The following SLC14A2 variants were observed in gnomAD, a reference collection of about 807,000 sequenced individuals.
SLC14A2 encodes solute carrier family 14 member 2.
A neutral mutation model predicts 104.6 loss-of-function variants in SLC14A2; 91 were observed. The ratio of observed to expected loss-of-function variants is 0.87; its 90% CI spans 0.73 to 1.04. The LOEUF (loss-of-function observed/expected upper bound fraction) is 1.04. Ranked by LOEUF, SLC14A2 falls within the 50% of genes least tolerant of loss-of-function variation. The pLI is 0.00. For missense variants in SLC14A2, 1,189 were observed against 1,156.0 expected (o/e 1.03, Z -0.41); for synonymous variants, 476 against 466.4 (o/e 1.02, Z -0.27).
intron 1 of SLC14A2, among the ~76,000 whole-genome samples, chr18:45,425,328 C>T (rs934931322): frequency 6.6e-6 from 1 of 152,176 alleles, no homozygotes; most frequent in Non-Finnish European, 1.5e-5. Flanking sequence ...GCTATAACAA[C>T]ATTTGATGAG....
At chr18:45,629,142 G>A (rs972354712) in intron 4 of SLC14A2, among the ~76,000 whole-genome samples, 1 of 152,216 alleles carries the variant, frequency 6.6e-6, no homozygotes, top group African/African-American at 2.4e-5. Flanking sequence ...AGTAATCAGA[G>A]CTGGAAGTGT....
At chr18:45,352,510 G>T (rs2085513176) in intron 1 of SLC14A2, among the ~76,000 whole-genome samples, 1 of 152,030 alleles carries the variant, frequency 6.6e-6, no homozygotes, top group Admixed American at 6.6e-5. Context: ...CTTTCAAAAT[G>T]ACTTACTGAG....
chr18:45,598,389 G>C (rs2044742805), intron 2 of SLC14A2, among the ~76,000 whole-genome samples: 1 of 152,164 alleles, frequency 6.6e-6, no homozygotes, highest in African/African-American at 2.4e-5. Flanking sequence ...CTGCTCAGGA[G>C]AGTGGCCCCA....
intron 1 of SLC14A2, among the ~76,000 whole-genome samples, chr18:45,226,289 T>A (rs1204282236): frequency 2.0e-5 from 3 of 152,122 alleles, no homozygotes; most frequent in Non-Finnish European, 4.4e-5. Context: ...GAACTAGAAA[T>A]ACCATTTGAC....
At chr18:45,498,238 A>G (rs2043134453) in intron 2 of SLC14A2, among the ~76,000 whole-genome samples, 1 of 152,252 alleles carries the variant, frequency 6.6e-6, no homozygotes. Context: ...TCAACAACAA[A>G]GAAAACAATT....
chr18:45,377,025 A>G (rs769374471), intron 1 of SLC14A2, among the ~76,000 whole-genome samples: 8 of 152,130 alleles, frequency 5.3e-5, no homozygotes, highest in Non-Finnish European at 1.0e-4. Flanking sequence ...TGTGGTTTAC[A>G]TCACTGCCCC....
chr18:45,238,838 T>G (rs1323882002), intron 1 of SLC14A2, among the ~76,000 whole-genome samples: 1 of 152,206 alleles, frequency 6.6e-6, no homozygotes, highest in Non-Finnish European at 1.5e-5. Flanking sequence ...GAGGTGATTT[T>G]GTTTGTTTTT....
At chr18:45,486,281 G>C (rs772919542) in intron 2 of SLC14A2, among the ~76,000 whole-genome samples, 1 of 152,054 alleles carries the variant, frequency 6.6e-6, no homozygotes, top group Non-Finnish European at 1.5e-5. Context: ...TTTCACAACA[G>C]CTGTGTCTTG....
intron 1 of SLC14A2, among the ~76,000 whole-genome samples, chr18:45,390,480 A>G (rs1197754111): frequency 6.6e-6 from 1 of 152,200 alleles, no homozygotes; most frequent in Non-Finnish European, 1.5e-5. Flanking sequence ...GAATTTATTC[A>G]TTTATCATTA....
chr18:45,548,197 G>T (rs2044002995), intron 2 of SLC14A2, among the ~76,000 whole-genome samples: 2 of 152,292 alleles, frequency 1.3e-5, no homozygotes, highest in South Asian at 4.2e-4. Flanking sequence ...AGGAAAGCAG[G>T]CCTGCCCTGT....
At chr18:45,482,712 T>C (rs2087518693) in intron 1 of SLC14A2, 1 of 152,154 alleles carries the variant, frequency 6.6e-6, no homozygotes, top group African/African-American at 2.4e-5. Flanking sequence ...TGTAACCTAA[T>C]CTTGGAAATG....
At chr18:45,522,203 G>A (rs138697229) in intron 2 of SLC14A2, among the ~76,000 whole-genome samples, 6 of 152,316 alleles carry the variant, frequency 3.9e-5, no homozygotes, top group Non-Finnish European at 5.9e-5. Context: ...AATAGAAAGT[G>A]CTGTAGGAAA....
chr18:45,643,896 C>T, intron 9 of SLC14A2, 90 bp from the exon 10 acceptor site: 1 of 1,135,098 alleles, frequency 8.8e-7, no homozygotes, highest in Non-Finnish European at 1.3e-6. Flanking sequence ...TCTCCATCCT[C>T]AACGCCTGTC....
intron 1 of SLC14A2, chr18:45,438,383 A>G (rs1356421526): frequency 1.3e-5 from 2 of 152,136 alleles, no homozygotes; most frequent in East Asian, 3.9e-4. Context: ...TTCCACAGCT[A>G]GCAGAATTTA....
intron 10 of SLC14A2, among the ~76,000 whole-genome samples, chr18:45,654,084 C>T (rs1006630304): frequency 1.3e-5 from 2 of 151,796 alleles, no homozygotes; most frequent in Admixed American, 1.3e-4. Flanking sequence ...ACCATGGTAG[C>T]TGAAGCTAGT....
intron 1 of SLC14A2, among the ~76,000 whole-genome samples, chr18:45,367,576 G>T (rs1169117162): frequency 6.6e-6 from 1 of 152,160 alleles, no homozygotes; most frequent in Non-Finnish European, 1.5e-5. Context: ...ACCTAGCAAA[G>T]GTCACTTTCT....
chr18:45,411,328 CTTTTATT>C (rs1305132813), intron 1 of SLC14A2, among the ~76,000 whole-genome samples: 46 of 152,138 alleles, frequency 3.0e-4, no homozygotes, highest in African/African-American at 1.1e-3. Context: ...AGTTCCTTTG[CTTTTATT>C]AAGATAAATG....
At chr18:45,473,670 C>A (rs549563578) in intron 1 of SLC14A2, among the ~76,000 whole-genome samples, 48 of 152,252 alleles carry the variant, frequency 3.2e-4, no homozygotes, top group African/African-American at 1.1e-3. Flanking sequence ...CATGATTTGG[C>A]TCTTTGTTTG....
chr18:45,654,835 G>A (rs9304318), intron 10 of SLC14A2, among the ~76,000 whole-genome samples: 114,416 of 151,994 alleles, frequency 0.75, 43,970 homozygotes, highest in Non-Finnish European at 0.83. Context: ...CCCACTGGAT[G>A]AGCCTTCTCG....
Sources: allele counts gnomAD v4.1 joint callset (sites outside exome capture counted in the v4.1 genomes callset), GRCh38; gene constraint gnomAD v4.1.1; transcripts MANE v1.5; gene names NCBI Gene and HGNC (gene_info 2026-07-23, HGNC 2026-07-21).